Variants in TRDN observed in about 807,000 individuals in gnomAD.
The protein encoded by TRDN is triadin in skeletal muscle.
Under a neutral mutation model 149.7 loss-of-function variants are expected in TRDN, and 161 were observed. The ratio of observed to expected loss-of-function variants is 1.08; its 90% CI spans 0.95 to 1.23. TRDN has a LOEUF of 1.23. Among genes scored for constraint, TRDN ranks in the 50% most tolerant of loss-of-function variants. The pLI is 0.00. For synonymous variants in TRDN, 294 were observed against 250.5 expected (o/e 1.17, Z -1.64); for missense variants, 896 against 823.5 (o/e 1.09, Z -1.08).
intron 2 of TRDN, among the ~76,000 whole-genome samples, chr6:123,564,916 A>G (rs1196759034): frequency 6.6e-6 from 1 of 152,178 alleles, no homozygotes; most frequent in African/African-American, 2.4e-5. Context: ...TTTTCCTCTA[A>G]TGGATGAGGA....
At chr6:123,492,052 C>A (rs1778246288) in intron 9 of TRDN, among the ~76,000 whole-genome samples, 1 of 152,136 alleles carries the variant, frequency 6.6e-6, no homozygotes, top group Non-Finnish European at 1.5e-5. Context: ...CTAACTTATT[C>A]CTTGAGGCTC....
At chr6:123,345,063 A>T (rs1045324086) in intron 21 of TRDN, among the ~76,000 whole-genome samples, 5 of 151,642 alleles carry the variant, frequency 3.3e-5, no homozygotes, top group East Asian at 1.9e-4. Context: ...CAACTTATAT[A>T]TTTTTTTTCT....
intron 38 of TRDN, among the ~76,000 whole-genome samples, chr6:123,233,279 A>T (rs1775675298): frequency 6.6e-6 from 1 of 152,098 alleles, no homozygotes; most frequent in African/African-American, 2.4e-5. Context: ...AGCTCCTTCA[A>T]TATGTGCTAT....
intron 20 of TRDN, among the ~76,000 whole-genome samples, chr6:123,358,904 A>C (rs749986728): frequency 6.6e-6 from 1 of 152,200 alleles, no homozygotes; most frequent in Non-Finnish European, 1.5e-5. Context: ...CTCATATGAC[A>C]CATATTACTT....
chr6:123,559,204 A>G (rs1448180417), intron 2 of TRDN, among the ~76,000 whole-genome samples: 1 of 152,104 alleles, frequency 6.6e-6, no homozygotes, highest in South Asian at 2.1e-4. Context: ...CTTAATCAAA[A>G]TGAAAGCCAC....
At chr6:123,558,945 A>C (rs1358778396) in intron 2 of TRDN, among the ~76,000 whole-genome samples, 1 of 152,188 alleles carries the variant, frequency 6.6e-6, no homozygotes, top group Middle Eastern at 3.2e-3. Flanking sequence ...TGGGCCAACA[A>C]ATGCCCATAG....
chr6:123,633,127 T>G (rs1300381796), intron 1 of TRDN, among the ~76,000 whole-genome samples: 1 of 152,092 alleles, frequency 6.6e-6, no homozygotes, highest in Admixed American at 6.6e-5. Context: ...TCTAACATTT[T>G]AAATAAAAAG....
chr6:123,519,032 T>C (rs1418637166), intron 5 of TRDN, among the ~76,000 whole-genome samples: 1 of 152,176 alleles, frequency 6.6e-6, no homozygotes, highest in Non-Finnish European at 1.5e-5. Flanking sequence ...AGTTTTCATA[T>C]GGAAGAAGAG....
At chr6:123,512,645 A>T (rs889413265) in intron 6 of TRDN, among the ~76,000 whole-genome samples, 1 of 152,138 alleles carries the variant, frequency 6.6e-6, no homozygotes, top group Non-Finnish European at 1.5e-5. Context: ...GGGAAGACAA[A>T]CTGAAAGGGA....
chr6:123,611,832 G>A (rs1784826317), intron 1 of TRDN, among the ~76,000 whole-genome samples: 1 of 152,014 alleles, frequency 6.6e-6, no homozygotes, highest in African/African-American at 2.4e-5. Flanking sequence ...GGAGATTTTT[G>A]GATCAGTCAG....
chr6:123,236,418 A>G (rs1454427039), intron 38 of TRDN, among the ~76,000 whole-genome samples: 1 of 152,162 alleles, frequency 6.6e-6, no homozygotes, highest in African/African-American at 2.4e-5. Flanking sequence ...TTGGATATGT[A>G]GTCTTTTCCA....
At chr6:123,599,090 A>AAT (rs1784164178) in intron 1 of TRDN, among the ~76,000 whole-genome samples, 1 of 152,120 alleles carries the variant, frequency 6.6e-6, no homozygotes, top group African/African-American at 2.4e-5. Context: ...TGTCAGGCAC[A>AAT]ATAGCTGTTA....
intron 12 of TRDN, among the ~76,000 whole-genome samples, chr6:123,426,407 T>C (rs1465543204): frequency 6.6e-6 from 1 of 152,132 alleles, no homozygotes; most frequent in Non-Finnish European, 1.5e-5. Flanking sequence ...TAACTTAGGA[T>C]TGATTTCACA....
chr6:123,256,335 T>C (rs571753392), intron 35 of TRDN, among the ~76,000 whole-genome samples: 4 of 152,262 alleles, frequency 2.6e-5, no homozygotes, highest in African/African-American at 9.6e-5. Context: ...ATGCAGTCTA[T>C]CATTGATGGG....
intron 30 of TRDN, among the ~76,000 whole-genome samples, chr6:123,270,641 G>A (rs994991629): frequency 1.2e-4 from 18 of 151,918 alleles, no homozygotes; most frequent in Non-Finnish European, 2.1e-4. Context: ...ACTAATGATA[G>A]ATGGAGTGTT....
chr6:123,337,650 A>G lies in TRDN; in HGVS notation c.1389T>C (p.Ser463=), dbSNP rs372880531. 1 of 1,455,214 alleles carries G rather than the reference A, an allele frequency of 6.9e-7. No homozygotes were observed. The highest frequency in any genetic ancestry group is 9.2e-7 in the Non-Finnish European group (1 of 1,085,206). The allele number at this position is 1,455,214 out of a possible 1,614,324, so 90.1% of individuals were successfully genotyped here. Residue 463 remains serine (S), a synonymous_variant, in exon 22 of 41, where the codon TCT becomes TCC. Transcript: ENST00000334268. ...CTTTCAGAATTGAAGAAGTCTTCCC[A>G]GATTTTTCTTTTCTAATTTCTGCAA... ...TVEQEIRKEK[S]GKTSSILKDK...
intron 6 of TRDN, among the ~76,000 whole-genome samples, chr6:123,515,094 A>T (rs1779356321): frequency 6.6e-6 from 1 of 152,152 alleles, no homozygotes; most frequent in Admixed American, 6.6e-5. Context: ...ATTTAAAAAA[A>T]AGAAAGAAAA....
intron 1 of TRDN, among the ~76,000 whole-genome samples, chr6:123,625,568 T>C (rs923408878): frequency 2.0e-5 from 3 of 152,156 alleles, no homozygotes; most frequent in Non-Finnish European, 2.9e-5. Flanking sequence ...CAGTAATTCA[T>C]TGTACATTTA....
chr6:123,389,716 A>G (rs1449926013), intron 13 of TRDN, among the ~76,000 whole-genome samples: 1 of 152,194 alleles, frequency 6.6e-6, no homozygotes, highest in Admixed American at 6.6e-5. Context: ...ATTTACAAAT[A>G]AGTTAATTCT....
Sources: allele counts gnomAD v4.1 joint callset (sites outside exome capture counted in the v4.1 genomes callset), GRCh38; gene constraint gnomAD v4.1.1; transcripts MANE v1.5; gene names NCBI Gene and HGNC (gene_info 2026-07-23, HGNC 2026-07-21).